Variants in ACAP2 observed in about 807,000 individuals in gnomAD.
The protein encoded by ACAP2 is ArfGAP with coiled-coil, ankyrin repeat and PH domains 2, also known as arf-GAP with coiled-coil, ANK repeat and PH domain-containing protein 2.
Under a neutral mutation model 115.8 loss-of-function variants are expected in ACAP2, and 39 were observed. The observed-to-expected ratio is 0.34, with a 90% CI of 0.26 to 0.44. The LOEUF (loss-of-function observed/expected upper bound fraction) is 0.44, where lower values mean the gene tolerates loss of function less well. Among genes scored for constraint, ACAP2 ranks in the 20% least tolerant of loss-of-function variants. The pLI is 1.00. For synonymous variants in ACAP2, 289 were observed against 315.8 expected (o/e 0.92, Z 0.90); for missense variants, 662 against 927.6 (o/e 0.71, Z 3.72).
chr3:195,334,635 G>A (rs548825067), intron 7 of ACAP2, among the ~76,000 whole-genome samples: 33 of 152,172 alleles, frequency 2.2e-4, no homozygotes, highest in South Asian at 4.1e-4. Context: ...TTAACAAAAC[G>A]CAAAACTGAA....
chr3:195,351,314 G>T (rs951664787), intron 4 of ACAP2, among the ~76,000 whole-genome samples: 1 of 151,820 alleles, frequency 6.6e-6, no homozygotes, highest in Non-Finnish European at 1.5e-5. Flanking sequence ...ACAGAGTTTC[G>T]CCATGTTGCC....
At chr3:195,294,910 T>C in intron 17 of ACAP2, 99 bp from the exon 18 acceptor site, 1 of 675,924 alleles carries the variant, frequency 1.5e-6, no homozygotes, top group South Asian at 1.8e-5. Context: ...CACATCAACA[T>C]GAACTCAGGC....
Position 195,297,248 on chromosome 3 carries a change from G to T in ACAP2, c.1429C>A (p.Arg477=), listed in dbSNP as rs1426823333. The T allele has an allele frequency of 6.2e-7, 1 of 1,612,182 alleles. No homozygotes were observed. Among genetic ancestry groups the T allele is most frequent in the African/African-American group, 1.3e-5 (1 of 74,684 alleles). ...MCELGNDVIN[R]VYEANVEKMG... is the part of the protein sequence containing the mutation. ...TTTTCCACATTAGCTTCATAAACTC[G>T]ATTTATAACATCATTCCCCAACTCA... is the stretch of plus-strand genomic sequence containing the variant. The change falls in exon 16 of 23, where the codon CGA becomes AGA. Residue 477 remains arginine (R), a synonymous_variant. Coordinates refer to ENST00000326793, the MANE Select transcript of ACAP2 (RefSeq NM_012287.6).
At chr3:195,283,074 C>T (rs960620582) in intron 22 of ACAP2, among the ~76,000 whole-genome samples, 2 of 152,186 alleles carry the variant, frequency 1.3e-5, no homozygotes, top group Non-Finnish European at 2.9e-5. Flanking sequence ...CTTGTGCTTG[C>T]TACATACTCA....
chr3:195,417,078 A>ATTTT (rs11293878), intron 1 of ACAP2, among the ~76,000 whole-genome samples: 19 of 109,534 alleles, frequency 1.7e-4, no homozygotes, highest in African/African-American at 7.4e-4. Flanking sequence ...TGCCTGGCTA[A>ATTTT]TTTTTTTTTT....
At chr3:195,431,027 G>A (rs956507740) in intron 1 of ACAP2, among the ~76,000 whole-genome samples, 4 of 152,010 alleles carry the variant, frequency 2.6e-5, no homozygotes, top group South Asian at 2.1e-4. Flanking sequence ...CCCCATATCC[G>A]TTAGCAACCA....
intron 4 of ACAP2, among the ~76,000 whole-genome samples, chr3:195,379,520 G>A (rs1035241974): frequency 6.6e-6 from 1 of 152,168 alleles, no homozygotes; most frequent in Non-Finnish European, 1.5e-5. Context: ...GGGACTGGGT[G>A]TAGTGGCTCA....
intron 4 of ACAP2, among the ~76,000 whole-genome samples, chr3:195,354,193 T>C (rs1186449395): frequency 6.6e-6 from 1 of 152,346 alleles, no homozygotes; most frequent in Non-Finnish European, 1.5e-5. Flanking sequence ...TATGGCTGCA[T>C]AGTATTCCAT....
intron 12 of ACAP2, chr3:195,306,934 G>T: frequency 6.2e-6 from 2 of 322,096 alleles, no homozygotes; most frequent in East Asian, 6.2e-5. Context: ...AACATAAAAT[G>T]ATAGTTATCA....
chr3:195,332,081 C>T (rs1328731407), intron 8 of ACAP2, among the ~76,000 whole-genome samples: 1 of 150,792 alleles, frequency 6.6e-6, no homozygotes, highest in Non-Finnish European at 1.5e-5. Context: ...TTGCAGTGAG[C>T]CGAGATCCCG....
intron 1 of ACAP2, among the ~76,000 whole-genome samples, chr3:195,425,005 C>T (rs1437284677): frequency 6.3e-4 from 67 of 106,274 alleles, no homozygotes; most frequent in Non-Finnish European, 1.5e-4. Context: ...CCAGCCTGGG[C>T]GACAGAGCGA....
At chr3:195,397,570 AAT>A (rs1238387864) in intron 1 of ACAP2, among the ~76,000 whole-genome samples, 1 of 152,152 alleles carries the variant, frequency 6.6e-6, no homozygotes, top group African/African-American at 2.4e-5. Flanking sequence ...GGGTCTCTAC[AAT>A]ATCTCTATGT....
At chr3:195,294,845 T>A in intron 17 of ACAP2, 34 bp from the exon 18 acceptor site, 2 of 1,358,128 alleles carry the variant, frequency 1.5e-6, no homozygotes, top group Non-Finnish European at 2.1e-6. Context: ...ATGATTAAAG[T>A]TCATGCCATT....
At chr3:195,340,880 T>G (rs1406620133) in intron 6 of ACAP2, among the ~76,000 whole-genome samples, 1 of 152,200 alleles carries the variant, frequency 6.6e-6, no homozygotes, top group East Asian at 1.9e-4. Flanking sequence ...AAGTACAGTC[T>G]ATTCATCTTA....
chr3:195,359,623 A>G (rs939033884), intron 4 of ACAP2, among the ~76,000 whole-genome samples: 12 of 152,108 alleles, frequency 7.9e-5, no homozygotes, highest in Admixed American at 2.6e-4. Context: ...GCCCGCCACC[A>G]CGCCCGGCTA....
At chr3:195,301,746 T>C (rs1311740628) in intron 14 of ACAP2, 102 bp from the exon 15 acceptor site, 2 of 1,209,708 alleles carry the variant, frequency 1.7e-6, no homozygotes, top group East Asian at 2.3e-5. Context: ...GCCCTCGGCA[T>C]ACACATATAG....
Position 195,391,971 on chromosome 3 carries a change from G to C in ACAP2, c.111+119C>G. ...GATCATGCCACTGCACTTCAGCCTG[G>C]GCGACAGAGTGAGACTCTGTCTCCA... is the stretch of plus-strand genomic sequence containing the variant. On this transcript the variant is annotated intron_variant, in intron 2 of 22. Coordinates refer to ENST00000326793, the MANE Select transcript of ACAP2 (RefSeq NM_012287.6). 4.0e-6 allele frequency: 3 copies of C among 756,194 alleles called. No homozygotes were observed. The East Asian group carries it at 9.2e-5, about 23-fold the overall frequency. 46.8% of individuals were successfully genotyped at this position (756,194 alleles called of 1,614,324 possible). A position where few individuals can be genotyped will look rare whatever the true frequency, so the allele number is the denominator to read the frequency against.
In ACAP2 at chr3:195,438,699, GTC is replaced by G. The variant is rs760496329; in HGVS notation, c.53+4094_53+4095del. Among the ~76,000 whole-genome samples, 14 of 152,150 alleles carry G rather than the reference GTC, an allele frequency of 9.2e-5. No homozygotes were observed. In the South Asian group the frequency reaches 2.7e-3, roughly 29 times the overall value. On this transcript the variant is annotated intron_variant, in intron 1 of 22. Transcript: ENST00000326793. Reference sequence around the variant, plus strand: ...CAGCCTGGATAACAAGTAAGACTCTGTCTCTCAAACATAATTCACCCACAAAC... The same window carrying G: ...CAGCCTGGATAACAAGTAAGACTCTGTCTCAAACATAATTCACCCACAAAC...
chr3:195,310,954 T>A lies in ACAP2; in HGVS notation c.858-2117A>T, dbSNP rs537323356. 3.3e-5 allele frequency among the ~76,000 whole-genome samples: 5 copies of A among 152,174 alleles called. No individual in the cohort carries two copies. The East Asian group carries it at 9.6e-4, about 29-fold the overall frequency. On this transcript the variant is annotated intron_variant, in intron 10 of 22. Coordinates refer to ENST00000326793, the MANE Select transcript of ACAP2 (RefSeq NM_012287.6). ...TTTGTGTGTCTTACAACACTATCAC[T>A]CCTCCATTGCTATTATAAATTAAAA...
Sources: allele counts gnomAD v4.1 joint callset (sites outside exome capture counted in the v4.1 genomes callset), GRCh38; gene constraint gnomAD v4.1.1; transcripts MANE v1.5; gene names NCBI Gene and HGNC (gene_info 2026-07-23, HGNC 2026-07-21).